SEMA4D: variants seen among roughly 807,000 people sequenced by gnomAD.
SEMA4D encodes semaphorin-4D.
SEMA4D carries 22 observed loss-of-function variants against 74.8 expected under a neutral mutation model. That is an observed-to-expected ratio of 0.29 (90% confidence interval 0.21 to 0.42). The LOEUF is 0.42. SEMA4D is among the 10% of genes least tolerant of loss of function. SEMA4D has a pLI of 1.00. For synonymous variants in SEMA4D, 445 were observed against 463.7 expected (o/e 0.96, Z 0.52); for missense variants, 937 against 1,118.4 (o/e 0.84, Z 2.31).
At position 89,391,294 on chromosome 9, in the gene SEMA4D, C is replaced by A. The variant is rs1479048736; in HGVS notation, c.744G>T (p.Val248=). ...ACACTCTTGCTATCCGTGGGATCAG[C>A]ACCCTGAACACAAACTCATACTCCA... is the stretch of plus-strand genomic sequence containing the variant. ...VSVEYEFVFR[V]LIPRIARVCK... is the part of the protein sequence containing the mutation. The change falls in exon 9 of 16, where the codon GTG becomes GTT. Residue 248 remains valine (V), a synonymous_variant. Coordinates refer to ENST00000422704, the MANE Select transcript of SEMA4D (RefSeq NM_001371194.2). 1 of 1,614,248 alleles carries A rather than the reference C, an allele frequency of 6.2e-7. No individual in the cohort carries two copies. Among genetic ancestry groups the A allele is most frequent in the Admixed American group, 1.7e-5 (1 of 60,030 alleles).
intron 1 of SEMA4D, among the ~76,000 whole-genome samples, chr9:89,456,285 A>C (rs1855909766): frequency 6.6e-6 from 1 of 152,178 alleles, no homozygotes. Flanking sequence ...CTCAGCACAC[A>C]ATCACTAGGC....
Position 89,379,319 on chromosome 9 carries a change from C to A in SEMA4D, c.1974G>T (p.Leu658Phe), listed in dbSNP as rs1368341527. 1.9e-6 allele frequency: 3 copies of A among 1,614,062 alleles called. No individual in the cohort carries two copies. The highest frequency in any genetic ancestry group is 2.7e-5 in the African/African-American group (2 of 74,928). The change falls in exon 16 of 16, where the codon TTG (leucine) becomes TTT (phenylalanine). Residue 658 changes from leucine (L) to phenylalanine (F), a missense_variant. Coordinates refer to ENST00000422704, the MANE Select transcript of SEMA4D (RefSeq NM_001371194.2). ...TACTACCTTCTGTCTGAACAACTGACAAGGTGGGGGCCACTACGGGCTTTG... is the reference window on the plus strand; with the variant it reads ...TACTACCTTCTGTCTGAACAACTGAAAAGGTGGGGGCCACTACGGGCTTTG... ...VVPKPVVAPT[L>F]SVVQTEGSRI...
intron 1 of SEMA4D, among the ~76,000 whole-genome samples, chr9:89,466,132 C>A (rs1858629752): frequency 6.6e-6 from 1 of 152,144 alleles, no homozygotes; most frequent in Admixed American, 6.5e-5. Flanking sequence ...CAGTTTGCAG[C>A]CCTGGCCTGG....
intron 13 of SEMA4D, chr9:89,385,155 T>C (rs957685580): frequency 3.4e-6 from 3 of 886,732 alleles, no homozygotes; most frequent in African/African-American, 1.8e-5. Context: ...CGTAACCCCC[T>C]CTGTGCGGCC....
At chr9:89,391,649 C>T (rs1022049905) in intron 8 of SEMA4D, among the ~76,000 whole-genome samples, 2 of 152,230 alleles carry the variant, frequency 1.3e-5, no homozygotes, top group African/African-American at 4.8e-5. Context: ...GAGGTGCCCC[C>T]GACAGTGGTT....
chr9:89,403,121 CGT>C, intron 3 of SEMA4D, 105 bp from the exon 4 acceptor site: 1 of 1,320,312 alleles, frequency 7.6e-7, no homozygotes, highest in Non-Finnish European at 1.0e-6. Context: ...ACAATGAGCA[CGT>C]CTGGGTGCAG....
intron 2 of SEMA4D, among the ~76,000 whole-genome samples, chr9:89,425,586 G>C (rs187736672): frequency 4.1e-4 from 63 of 152,308 alleles, no homozygotes; most frequent in African/African-American, 1.5e-3. Flanking sequence ...CTGAATCCCA[G>C]TGTTCAAGAG....
chr9:89,430,288 C>CT (rs1848986481), intron 2 of SEMA4D, among the ~76,000 whole-genome samples: 1 of 152,210 alleles, frequency 6.6e-6, no homozygotes, highest in African/African-American at 2.4e-5. Context: ...AAAGAGCAAA[C>CT]CCTCCAGACA....
rs529632792 is a variant in SEMA4D, at chr9:89,490,007, G to A, written c.-310+7912C>T. ...CTAATTTCTCCATAACCTCACCTACGCTTGTTATTTCCCTCCACCCTCCTT... is the reference window on the plus strand; with the variant it reads ...CTAATTTCTCCATAACCTCACCTACACTTGTTATTTCCCTCCACCCTCCTT... On this transcript the variant is annotated intron_variant, in intron 1 of 15. Coordinates refer to ENST00000422704, the MANE Select transcript of SEMA4D (RefSeq NM_001371194.2). Among the ~76,000 whole-genome samples the A allele has an allele frequency of 9.3e-5, 14 of 151,258 alleles. No individual in the cohort carries two copies. The South Asian group carries it at 2.3e-3, about 25-fold the overall frequency.
chr9:89,432,142 ACT>A (rs1457007571), intron 2 of SEMA4D, among the ~76,000 whole-genome samples: 4 of 146,140 alleles, frequency 2.7e-5, no homozygotes, highest in Non-Finnish European at 4.6e-5. Context: ...TGGAATGGCC[ACT>A]CAACCCTCTG....
Position 89,396,834 on chromosome 9 carries a change from G to A in SEMA4D, c.317C>T (p.Thr106Ile). 6.2e-7 allele frequency: 1 copy of A among 1,612,912 alleles called. No individual in the cohort carries two copies. Among genetic ancestry groups the A allele is most frequent in the South Asian group, 1.1e-5 (1 of 90,826 alleles). ...CACCCGGATGTAGTTGAGGCACTCT[G>A]TCTGCAGGGAAGAGAAATGCACCAT... is the stretch of plus-strand genomic sequence containing the variant. ...KCAEKGKSKQ[T>I]ECLNYIRVLQ... The change falls in exon 6 of 16, where the codon ACA (threonine) becomes ATA (isoleucine). Residue 106 changes from threonine to isoleucine, a missense_variant and splice_region_variant. By Grantham distance (89) the Thr-to-Ile change is moderately conservative. Transcript: ENST00000422704.
At chr9:89,416,474 G>A (rs187165425) in intron 2 of SEMA4D, among the ~76,000 whole-genome samples, 3 of 152,016 alleles carry the variant, frequency 2.0e-5, no homozygotes, top group Admixed American at 6.5e-5. Flanking sequence ...CGCGAGGCGC[G>A]ACCCACCTGT....
chr9:89,462,094 G>C (rs1373666566), intron 1 of SEMA4D, among the ~76,000 whole-genome samples: 4 of 152,128 alleles, frequency 2.6e-5, no homozygotes, highest in Non-Finnish European at 5.9e-5. Flanking sequence ...AACGTGGTTT[G>C]GGTTAAGAAG....
intron 1 of SEMA4D, among the ~76,000 whole-genome samples, chr9:89,466,315 G>A (rs764808579): frequency 2.6e-5 from 4 of 152,132 alleles, no homozygotes; most frequent in East Asian, 1.9e-4. Flanking sequence ...TTTCAGAAAC[G>A]CCTTTTCTTT....
At chr9:89,485,996 C>G (rs1018861997) in intron 1 of SEMA4D, among the ~76,000 whole-genome samples, 4 of 152,116 alleles carry the variant, frequency 2.6e-5, no homozygotes, top group Admixed American at 2.6e-4. Context: ...CTGACCCAGT[C>G]TTACAGGACT....
intron 1 of SEMA4D, among the ~76,000 whole-genome samples, chr9:89,486,803 A>G (rs1825232293): frequency 6.6e-6 from 1 of 152,186 alleles, no homozygotes; most frequent in Non-Finnish European, 1.5e-5. Context: ...GCTACTCTGG[A>G]GGCTGAGGCA....
intron 1 of SEMA4D, among the ~76,000 whole-genome samples, chr9:89,483,498 C>T (rs910129193): frequency 5.3e-5 from 8 of 152,108 alleles, no homozygotes; most frequent in Admixed American, 3.9e-4. Context: ...AGTCAGCCAA[C>T]GTGAGAAATA....
chr9:89,408,982 C>A (rs568391413), intron 2 of SEMA4D, among the ~76,000 whole-genome samples: 4 of 152,326 alleles, frequency 2.6e-5, no homozygotes, highest in African/African-American at 9.6e-5. Flanking sequence ...GGATGCGGAG[C>A]CTGCAGAGGT....
downstream of SEMA4D, among the ~76,000 whole-genome samples, chr9:89,375,396 T>TC (rs1466987100): frequency 1.3e-5 from 2 of 152,114 alleles, no homozygotes; most frequent in African/African-American, 4.8e-5. Context: ...CTAGCAAAGC[T>TC]CCGTCTCCAC....
Sources: gnomAD v4.1 joint callset for allele counts (sites outside exome capture counted in the v4.1 genomes callset) on GRCh38, gnomAD v4.1.1 for gene constraint, MANE v1.5 for transcripts, NCBI Gene and HGNC (gene_info 2026-07-23, HGNC 2026-07-21) for gene names.